The following MRTFA variants were observed in gnomAD, a reference collection of about 807,000 sequenced individuals.
MRTFA encodes the protein myocardin-related transcription factor A.
MRTFA carries 20 observed loss-of-function variants against 83.5 expected under a neutral mutation model. That is an observed-to-expected ratio of 0.24 (90% CI 0.17 to 0.35). The LOEUF (loss-of-function observed/expected upper bound fraction) is 0.35. Ranked by LOEUF, MRTFA falls within the 10% of genes least tolerant of loss-of-function variation. MRTFA has a pLI of 1.00. For synonymous variants in MRTFA, 659 were observed against 541.2 expected (o/e 1.22, Z -3.02); for missense variants, 1,200 against 1,224.7 (o/e 0.98, Z 0.30).
chr22:40,587,103 C>A, intron 2 of MRTFA: 1 of 452,376 alleles, frequency 2.2e-6, no homozygotes, highest in South Asian at 1.6e-5. Context: ...CTTCCTGCAA[C>A]GTGCTTGAAG....
chr22:40,564,649 T>C (rs929383000), intron 2 of MRTFA, among the ~76,000 whole-genome samples: 1 of 152,082 alleles, frequency 6.6e-6, no homozygotes, highest in Non-Finnish European at 1.5e-5. Context: ...ATTTTATTAT[T>C]ATTTTTATTA....
chr22:40,496,847 G>A (rs1314774982), intron 3 of MRTFA, among the ~76,000 whole-genome samples: 1 of 152,142 alleles, frequency 6.6e-6, no homozygotes, highest in Non-Finnish European at 1.5e-5. Context: ...AAGGGCACCA[G>A]GCTGAGTCAG....
chr22:40,615,360 A>C (rs1443943936), intron 1 of MRTFA, among the ~76,000 whole-genome samples: 1 of 152,200 alleles, frequency 6.6e-6, no homozygotes, highest in African/African-American at 2.4e-5. Context: ...TAAATACTGC[A>C]TTGTCTTGAT....
At chr22:40,476,324 T>C (rs1266986974) in intron 3 of MRTFA, among the ~76,000 whole-genome samples, 1 of 152,148 alleles carries the variant, frequency 6.6e-6, no homozygotes, top group Non-Finnish European at 1.5e-5. Context: ...AAGACAGATG[T>C]CTCTGTGTTC....
chr22:40,542,268 T>C (rs1325099609), intron 3 of MRTFA, among the ~76,000 whole-genome samples: 2 of 152,228 alleles, frequency 1.3e-5, no homozygotes, highest in African/African-American at 4.8e-5. Context: ...CCACTACTTA[T>C]GCTTTGGATC....
At chr22:40,468,410 A>C (rs1467197735) in intron 3 of MRTFA, among the ~76,000 whole-genome samples, 4 of 152,166 alleles carry the variant, frequency 2.6e-5, no homozygotes, top group African/African-American at 9.7e-5. Flanking sequence ...AGTAGAAAAG[A>C]ATAGGAAGGT....
chr22:40,623,885 G>A (rs1259743846), intron 1 of MRTFA, among the ~76,000 whole-genome samples: 3 of 152,130 alleles, frequency 2.0e-5, no homozygotes. Context: ...AGAGGATGAG[G>A]CGAGAGGATC....
At chr22:40,469,164 T>A (rs2053859233) in intron 3 of MRTFA, among the ~76,000 whole-genome samples, 1 of 152,124 alleles carries the variant, frequency 6.6e-6, no homozygotes, top group Non-Finnish European at 1.5e-5. Context: ...AGGTAGAAAT[T>A]AGTAAGGATA....
At chr22:40,417,546 C>A in intron 12 of MRTFA, 53 bp from the exon 13 acceptor site, 4 of 1,231,366 alleles carry the variant, frequency 3.2e-6, no homozygotes, top group Non-Finnish European at 4.4e-6. Context: ...GGGGTGCAGA[C>A]CTGCCTTGTA....
chr22:40,414,146 C>T (rs964777926), intron 14 of MRTFA, among the ~76,000 whole-genome samples: 1 of 152,128 alleles, frequency 6.6e-6, no homozygotes, highest in African/African-American at 2.4e-5. Flanking sequence ...CAAAACCAGC[C>T]TGGGCAACAC....
intron 3 of MRTFA, among the ~76,000 whole-genome samples, chr22:40,485,070 C>CAA (rs60665723): frequency 4.4e-5 from 5 of 114,924 alleles, no homozygotes; most frequent in African/African-American, 6.3e-5. Flanking sequence ...GACTCCGTCT[C>CAA]AAAAAAAAAA....
rs755347887 is a variant in MRTFA, at chr22:40,411,336, C to T, written c.*54G>A. On this transcript the variant is annotated 3_prime_UTR_variant, in exon 15 of 15. Transcript: ENST00000355630. ...GGCCGAATCACGCAGGAGAGCCACGCATTGGAGTACCCTGGCTCCCAGCCC... is the reference window on the plus strand; with the variant it reads ...GGCCGAATCACGCAGGAGAGCCACGTATTGGAGTACCCTGGCTCCCAGCCC... The T allele has an allele frequency of 1.3e-6, 2 of 1,497,612 alleles. No homozygotes were observed. Among genetic ancestry groups the T allele is most frequent in the African/African-American group, 1.4e-5 (1 of 71,558 alleles). 92.8% of individuals were successfully genotyped at this position (1,497,612 alleles called of 1,614,324 possible).
intron 3 of MRTFA, among the ~76,000 whole-genome samples, chr22:40,493,607 G>T (rs1250233073): frequency 6.6e-6 from 1 of 152,208 alleles, no homozygotes; most frequent in Non-Finnish European, 1.5e-5. Context: ...AATTTTTCCA[G>T]CAAGAGCATG....
chr22:40,577,450 T>C (rs1236890833), intron 2 of MRTFA, among the ~76,000 whole-genome samples: 1 of 151,948 alleles, frequency 6.6e-6, no homozygotes, highest in Non-Finnish European at 1.5e-5. Flanking sequence ...ACAAGATAAA[T>C]ACATAAAATA....
intron 3 of MRTFA, among the ~76,000 whole-genome samples, chr22:40,510,338 C>T (rs2054647952): frequency 6.6e-6 from 1 of 151,754 alleles, no homozygotes; most frequent in African/African-American, 2.4e-5. Flanking sequence ...AGCAACTTCT[C>T]GGTGAAGGAA....
intron 3 of MRTFA, among the ~76,000 whole-genome samples, chr22:40,473,234 A>G (rs1371487541): frequency 6.6e-6 from 1 of 152,164 alleles, no homozygotes; most frequent in African/African-American, 2.4e-5. Flanking sequence ...ATCACGGCTC[A>G]CCGCAGCCTT....
chr22:40,585,224 A>AG (rs1258520181), intron 2 of MRTFA, among the ~76,000 whole-genome samples: 1 of 152,230 alleles, frequency 6.6e-6, no homozygotes, highest in Non-Finnish European at 1.5e-5. Flanking sequence ...TAGATGTCTG[A>AG]GGTCGATGAT....
intron 3 of MRTFA, among the ~76,000 whole-genome samples, chr22:40,482,667 T>A (rs1328281047): frequency 6.6e-6 from 1 of 152,170 alleles, no homozygotes; most frequent in African/African-American, 2.4e-5. Flanking sequence ...ATTGCATTAG[T>A]TCTGCCCATT....
At chr22:40,414,369 T>C (rs1401867245) in intron 14 of MRTFA, among the ~76,000 whole-genome samples, 2 of 152,070 alleles carry the variant, frequency 1.3e-5, no homozygotes, top group Admixed American at 1.3e-4. Context: ...TACCATATGA[T>C]CCGGCAATTC....
Sources: gnomAD v4.1 joint callset for allele counts (sites outside exome capture counted in the v4.1 genomes callset) on GRCh38, gnomAD v4.1.1 for gene constraint, MANE v1.5 for transcripts, NCBI Gene and HGNC (gene_info 2026-07-23, HGNC 2026-07-21) for gene names.